Variants in LYPD6B observed in about 807,000 individuals in gnomAD.
LYPD6B encodes the protein ly6/PLAUR domain-containing protein 6B.
Under a neutral mutation model 22.8 loss-of-function variants are expected in LYPD6B, and 17 were observed. The ratio of observed to expected loss-of-function variants is 0.75; its 90% CI spans 0.51 to 1.12. The LOEUF (loss-of-function observed/expected upper bound fraction) is 1.12. Ranked by LOEUF, LYPD6B falls within the 50% of genes most tolerant of loss-of-function variation. The pLI, the probability that LYPD6B is intolerant of heterozygous loss-of-function variation, is 0.00. For synonymous variants in LYPD6B, 106 were observed against 91.6 expected, an observed-to-expected ratio of 1.16 and a Z score of -0.90; for missense variants, 221 against 258.3, an observed-to-expected ratio of 0.86 and a Z score of 0.99.
chr2:149,104,402 T>TAACA (rs1686366208), intron 1 of LYPD6B, among the ~76,000 whole-genome samples: 1 of 152,218 alleles, frequency 6.6e-6, no homozygotes, highest in Non-Finnish European at 1.5e-5. Flanking sequence ...CCCAGTATGT[T>TAACA]AGCTATTTTA....
intron 3 of LYPD6B, among the ~76,000 whole-genome samples, chr2:149,169,761 T>C (rs1690694070): frequency 6.6e-6 from 1 of 152,164 alleles, no homozygotes; most frequent in Non-Finnish European, 1.5e-5. Context: ...TTTAAGATGT[T>C]AGGGAGGAAA....
intron 3 of LYPD6B, among the ~76,000 whole-genome samples, chr2:149,184,420 G>A (rs1691959247): frequency 6.6e-6 from 1 of 152,144 alleles, no homozygotes; most frequent in Non-Finnish European, 1.5e-5. Context: ...AGGGACCTCA[G>A]CCTCATAAAG....
chr2:149,198,099 G>C (rs1692933650), intron 3 of LYPD6B, among the ~76,000 whole-genome samples: 1 of 151,400 alleles, frequency 6.6e-6, no homozygotes, highest in African/African-American at 2.4e-5. Context: ...CTAGAGTGCA[G>C]TGGCATGACC....
At chr2:149,107,480 A>AG (rs936535746) in intron 1 of LYPD6B, among the ~76,000 whole-genome samples, 1 of 152,206 alleles carries the variant, frequency 6.6e-6, no homozygotes, top group African/African-American at 2.4e-5. Context: ...CCTGAGGATA[A>AG]GGGGGGACTA....
chr2:149,175,059 C>CTGTGTGTGTGTGTGTGTG (rs1281402106), intron 3 of LYPD6B, among the ~76,000 whole-genome samples: 2 of 116,172 alleles, frequency 1.7e-5, no homozygotes, highest in African/African-American at 5.8e-5. Flanking sequence ...CTCTCTCTCT[C>CTGTGTGTGTGTGTGTGTG]TCTGTGTGTG....
chr2:149,197,809 T>C (rs1019239645), intron 3 of LYPD6B, among the ~76,000 whole-genome samples: 2 of 152,178 alleles, frequency 1.3e-5, no homozygotes, highest in African/African-American at 4.8e-5. Context: ...TTATTCAGTA[T>C]TTTAAGAGCT....
At chr2:149,131,225 G>T in intron 2 of LYPD6B, 1 of 404,604 alleles carries the variant, frequency 2.5e-6, no homozygotes. Flanking sequence ...ATCTTAATTT[G>T]CAATTGTGGA....
At chr2:149,040,213 CTCTCTCTCT>C (rs1683011966) in intron 1 of LYPD6B, among the ~76,000 whole-genome samples, 1 of 97,832 alleles carries the variant, frequency 1.0e-5, no homozygotes, top group Non-Finnish European at 2.7e-5. Context: ...GTCTCTCTCT[CTCTCTCTCT>C]TTTTTTTTTT....
At chr2:149,103,639 C>A (rs1686321651) in intron 1 of LYPD6B, among the ~76,000 whole-genome samples, 1 of 152,104 alleles carries the variant, frequency 6.6e-6, no homozygotes, top group Non-Finnish European at 1.5e-5. Context: ...CCTTGGAAAT[C>A]TCTACCTCCC....
intron 2 of LYPD6B, among the ~76,000 whole-genome samples, chr2:149,137,865 C>A (rs570277558): frequency 3.3e-5 from 5 of 152,254 alleles, no homozygotes; most frequent in Non-Finnish European, 7.4e-5. Flanking sequence ...AATTTTAATA[C>A]AATCTTTCTG....
chr2:149,139,195 A>G (rs1688540834), intron 2 of LYPD6B, among the ~76,000 whole-genome samples: 1 of 152,152 alleles, frequency 6.6e-6, no homozygotes, highest in Admixed American at 6.5e-5. Context: ...TGGAGCCCCT[A>G]TGCTTTGGAT....
chr2:149,187,596 T>C (rs1003929168), intron 3 of LYPD6B: 1 of 1,321,088 alleles, frequency 7.6e-7, no homozygotes, highest in African/African-American at 1.5e-5. Context: ...GCCCCGTAAA[T>C]ATTGGTTGAG....
intron 1 of LYPD6B, among the ~76,000 whole-genome samples, chr2:149,125,198 G>A (rs1687625177): frequency 6.6e-6 from 1 of 152,096 alleles, no homozygotes; most frequent in African/African-American, 2.4e-5. Flanking sequence ...AGTCAGTGCT[G>A]TAACGTCACA....
chr2:149,127,975 A>G (rs372434347), intron 1 of LYPD6B, among the ~76,000 whole-genome samples: 7 of 149,514 alleles, frequency 4.7e-5, no homozygotes, highest in African/African-American at 1.7e-4. Flanking sequence ...AAAATATAGT[A>G]CTGCATAGGT....
At chr2:149,069,940 G>A (rs1406394169) in intron 1 of LYPD6B, among the ~76,000 whole-genome samples, 2 of 150,608 alleles carry the variant, frequency 1.3e-5, no homozygotes, top group African/African-American at 2.4e-5. Flanking sequence ...GAGATGGGTG[G>A]TGTGTGTGTG....
chr2:149,097,969 A>G (rs557390224), intron 1 of LYPD6B, among the ~76,000 whole-genome samples: 1 of 152,312 alleles, frequency 6.6e-6, no homozygotes, highest in South Asian at 2.1e-4. Flanking sequence ...TATAATAGAA[A>G]AATAATCATT....
Position 149,155,977 on chromosome 2 carries a change from T to G in LYPD6B, c.6-4787T>G, listed in dbSNP as rs78769184. The stretch of plus-strand genomic sequence containing the variant: ...TAATCTCTTACTCTGGACTTGCTTC[T>G]GTAATGTGCAAGGATTTTTACCCCT... On this transcript the variant is annotated intron_variant, in intron 2 of 6. Coordinates refer to ENST00000409642, the MANE Select transcript of LYPD6B (RefSeq NM_177964.5). Among the ~76,000 whole-genome samples, 516 of 152,332 alleles carry G rather than the reference T, an allele frequency of 3.4e-3. 1 individual carries two copies. The highest frequency in any genetic ancestry group is 0.012 in the African/African-American group (498 of 41,578).
chr2:149,189,210 C>T (rs900384415), intron 3 of LYPD6B, among the ~76,000 whole-genome samples: 1 of 151,500 alleles, frequency 6.6e-6, no homozygotes, highest in Non-Finnish European at 1.5e-5. Context: ...CCCAGAACCT[C>T]AAATGTAGTC....
intron 3 of LYPD6B, chr2:149,187,537 G>T (rs773729985): frequency 4.1e-6 from 6 of 1,461,576 alleles, no homozygotes; most frequent in Non-Finnish European, 5.4e-6. Context: ...CTGCGAGCAG[G>T]ATCTCAGGCA....
Sources: allele counts gnomAD v4.1 joint callset (sites outside exome capture counted in the v4.1 genomes callset), GRCh38; gene constraint gnomAD v4.1.1; transcripts MANE v1.5; gene names NCBI Gene and HGNC (gene_info 2026-07-23, HGNC 2026-07-21).